The following SLC22A23 variants were observed in gnomAD, a reference collection of about 807,000 sequenced individuals.
SLC22A23 encodes the protein ion transporter protein.
In SLC22A23, 26 loss-of-function variants were observed where a neutral mutation model predicts 61.0. The ratio of observed to expected loss-of-function variants is 0.43; its 90% confidence interval spans 0.31 to 0.59. The LOEUF (loss-of-function observed/expected upper bound fraction) is 0.59. Among genes scored for constraint, SLC22A23 ranks in the 20% least tolerant of loss-of-function variants. SLC22A23 has a pLI of 0.11. For synonymous variants in SLC22A23, 430 were observed against 413.9 expected (o/e 1.04, Z -0.47); for missense variants, 796 against 934.7 (o/e 0.85, Z 1.94).
chr6:3,344,346 T>C (rs1213139990), intron 3 of SLC22A23, among the ~76,000 whole-genome samples: 3 of 152,202 alleles, frequency 2.0e-5, no homozygotes, highest in Admixed American at 1.3e-4. Context: ...TAAGAAATAA[T>C]AGAGAATACC....
intron 4 of SLC22A23, chr6:3,312,380 T>A (rs1762411904): frequency 6.6e-6 from 1 of 152,110 alleles, no homozygotes; most frequent in Non-Finnish European, 1.5e-5. Context: ...GGTAGGGGGA[T>A]TAATTTGGCA....
intron 2 of SLC22A23, among the ~76,000 whole-genome samples, chr6:3,415,400 C>T (rs979905865): frequency 4.6e-5 from 7 of 152,196 alleles, no homozygotes; most frequent in African/African-American, 1.4e-4. Flanking sequence ...TTTTTTAATG[C>T]ATCTTCTGCA....
rs1165822233 is a variant in SLC22A23, at chr6:3,308,849, A to T, written c.1083-10631T>A. Among the ~76,000 whole-genome samples, 2 of 151,958 alleles carry T rather than the reference A, an allele frequency of 1.3e-5. No homozygotes were observed. Among genetic ancestry groups the T allele is most frequent in the African/African-American group, 2.4e-5 (1 of 41,346 alleles). ...TCCCAGCTACTCAGGAGTCTAAGGC[A>T]GGAGAATCACTTGAACCTGGGAGGC... On this transcript the variant is annotated intron_variant, in intron 4 of 9. Transcript: ENST00000406686. This position sits in a 1 kb window ranked among gnomAD's most constrained non-coding sequence, Gnocchi z 5.1.
At position 3,326,333 on chromosome 6, in the gene SLC22A23, G is replaced by A. The variant is rs537619265; in HGVS notation, c.914-2331C>T. Among the ~76,000 whole-genome samples, 16 of 152,304 alleles carry A rather than the reference G, an allele frequency of 1.1e-4. No individual in the cohort carries two copies. The South Asian group carries it at 1.5e-3, about 14-fold the overall frequency. Reference sequence around the variant, plus strand: ...AACCCTTTGCTGCCTGAAGTGTAGCGTGTGAACCTGCTGTGTCGGTATCGC... The same window carrying A: ...AACCCTTTGCTGCCTGAAGTGTAGCATGTGAACCTGCTGTGTCGGTATCGC... On this transcript the variant is annotated intron_variant, in intron 3 of 9. Coordinates refer to ENST00000406686, the MANE Select transcript of SLC22A23 (RefSeq NM_015482.2).
intron 9 of SLC22A23, among the ~76,000 whole-genome samples, chr6:3,281,970 C>T (rs1581597084): frequency 6.6e-6 from 1 of 152,172 alleles, no homozygotes; most frequent in Admixed American, 6.5e-5. Flanking sequence ...TCCAGGTTTG[C>T]GTCAAAGAGG....
At chr6:3,349,881 C>T (rs1764661926) in intron 3 of SLC22A23, among the ~76,000 whole-genome samples, 1 of 152,220 alleles carries the variant, frequency 6.6e-6, no homozygotes, top group African/African-American at 2.4e-5. Context: ...GATCACAGAC[C>T]TGGGACAGAG....
intron 5 of SLC22A23, among the ~76,000 whole-genome samples, chr6:3,292,658 G>A (rs957137115): frequency 5.9e-5 from 9 of 152,230 alleles, no homozygotes; most frequent in Non-Finnish European, 1.2e-4. Context: ...CCGTGTGGTC[G>A]GGGCTGAGGT....
intron 1 of SLC22A23, among the ~76,000 whole-genome samples, chr6:3,448,900 G>A (rs1432532338): frequency 6.6e-6 from 1 of 151,914 alleles, no homozygotes; most frequent in Non-Finnish European, 1.5e-5. Flanking sequence ...GGCAGAGGGA[G>A]ACGGAGAGGG....
At chr6:3,348,571 G>C (rs776516891) in intron 3 of SLC22A23, among the ~76,000 whole-genome samples, 1 of 152,132 alleles carries the variant, frequency 6.6e-6, no homozygotes, top group African/African-American at 2.4e-5. Flanking sequence ...CCCACCATTC[G>C]GCACTTACTA....
At chr6:3,452,663 T>C (rs1016074942) in intron 1 of SLC22A23, among the ~76,000 whole-genome samples, 2 of 142,502 alleles carry the variant, frequency 1.4e-5, no homozygotes, top group African/African-American at 5.2e-5. Context: ...CTTGGGTTAT[T>C]ATTCTTAATC....
rs9378793 is a variant in SLC22A23 at position 3,427,249 on chromosome 6, A to G, written c.655-11394T>C. ...ACATCGGGAATGCGCCTGGTGCAGT[A>G]ACCGGCACAAAGTGATTATTACTCA... On this transcript the variant is annotated intron_variant, in intron 1 of 9. Transcript: ENST00000406686. This position sits in a 1 kb window ranked among gnomAD's most constrained non-coding sequence, Gnocchi z 4.3. 0.31 allele frequency among the ~76,000 whole-genome samples: 47,290 copies of G among 151,724 alleles called. 8,257 individuals carry two copies. Among genetic ancestry groups the G allele is most frequent in the East Asian group, 0.47 (2,430 of 5,136 alleles).
intron 9 of SLC22A23, among the ~76,000 whole-genome samples, chr6:3,278,678 G>A (rs1759136363): frequency 6.6e-6 from 1 of 152,226 alleles, no homozygotes; most frequent in Non-Finnish European, 1.5e-5. Context: ...ACGGAAATGA[G>A]CAATAAGACC....
chr6:3,356,668 T>C (rs970544152), intron 3 of SLC22A23, among the ~76,000 whole-genome samples: 4 of 152,118 alleles, frequency 2.6e-5, no homozygotes, highest in Non-Finnish European at 4.4e-5. Context: ...CCCTGTTGTC[T>C]TCCTCCTTAT....
At chr6:3,425,031 C>T (rs1164745611) in intron 1 of SLC22A23, among the ~76,000 whole-genome samples, 2 of 152,174 alleles carry the variant, frequency 1.3e-5, no homozygotes, top group African/African-American at 2.4e-5. Flanking sequence ...CTCCCGTGTC[C>T]ACCCGTGTTC....
intron 1 of SLC22A23, among the ~76,000 whole-genome samples, chr6:3,453,525 G>A (rs1399817040): frequency 2.0e-5 from 3 of 152,142 alleles, no homozygotes; most frequent in East Asian, 1.9e-4. Context: ...ACAGTTTCAC[G>A]TGTGTAGGTA....
rs1767328447 is a variant in SLC22A23, at chr6:3,386,645, A to G, written c.913+23543T>C. ...GCCCGAGAGCTCAGAACGGCCTTCC[A>G]GGGCCAACCCTCTTGCTCTACAGAT... On this transcript the variant is annotated intron_variant, in intron 3 of 9. Coordinates refer to ENST00000406686, the MANE Select transcript of SLC22A23 (RefSeq NM_015482.2). The surrounding 1 kb of genome is among the most constrained non-coding windows in gnomAD (Gnocchi z 4.4). 6.6e-6 allele frequency among the ~76,000 whole-genome samples: 1 copy of G among 152,214 alleles called. No individual in the cohort carries two copies. Among genetic ancestry groups the G allele is most frequent in the African/African-American group, 2.4e-5 (1 of 41,450 alleles).
intron 9 of SLC22A23, chr6:3,283,585 A>G: frequency 2.3e-6 from 1 of 433,442 alleles, no homozygotes. Context: ...ACGCTCAGAC[A>G]CTGACATATT....
intron 9 of SLC22A23, 112 bp downstream of exon 9, chr6:3,283,740 C>G (rs528443298): frequency 4.5e-6 from 7 of 1,549,162 alleles, no homozygotes; most frequent in Non-Finnish European, 6.1e-6. Flanking sequence ...GCTGATGTGT[C>G]CAGAGCCAGA....
chr6:3,353,899 C>T (rs1284537571), intron 3 of SLC22A23, among the ~76,000 whole-genome samples: 2 of 152,244 alleles, frequency 1.3e-5, no homozygotes, highest in Non-Finnish European at 2.9e-5. Flanking sequence ...AAGCCTCATG[C>T]AGAGGCTCCT....
Sources: allele counts gnomAD v4.1 joint callset (sites outside exome capture counted in the v4.1 genomes callset), GRCh38; gene constraint gnomAD v4.1.1; non-coding constraint Gnocchi (gnomAD v3.1); transcripts MANE v1.5; gene names NCBI Gene and HGNC (gene_info 2026-07-23, HGNC 2026-07-21).